The following SNED1 variants were observed in gnomAD, a reference collection of about 807,000 sequenced individuals.
SNED1 encodes sushi, nidogen and EGF-like domain-containing protein 1.
In SNED1, 81 loss-of-function variants were observed where a neutral mutation model predicts 166.7. The observed-to-expected ratio is 0.49, with a 90% CI of 0.41 to 0.58. The LOEUF is 0.58. Ranked by LOEUF, SNED1 falls within the 20% of genes least tolerant of loss-of-function variation. SNED1 has a pLI of 0.00. For synonymous variants in SNED1, 762 were observed against 822.0 expected (o/e 0.93, Z 1.25); for missense variants, 1,604 against 2,000.2 (o/e 0.80, Z 3.78).
chr2:241,024,754 C>T (rs1458401243), intron 1 of SNED1, among the ~76,000 whole-genome samples: 1 of 151,292 alleles, frequency 6.6e-6, no homozygotes, highest in Non-Finnish European at 1.5e-5. Flanking sequence ...TTACTGCAAA[C>T]TCTGCCTCCC....
Position 241,040,085 on chromosome 2 carries a change from C to T in SNED1, c.1056C>T (p.Pro352=). The T allele has an allele frequency of 1.3e-6, 2 of 1,583,486 alleles. No homozygotes were observed. The highest frequency in any genetic ancestry group is 4.6e-5 in the East Asian group (2 of 43,304). The change falls in exon 7 of 32, where the codon CCC becomes CCT. Residue 352 remains proline (P), a synonymous_variant. Coordinates refer to ENST00000310397, the MANE Select transcript of SNED1 (RefSeq NM_001080437.3). ...GGPTCETAQS[P]CDTKECQHGG... is the part of the protein sequence containing the mutation. ...ACCTCCTCACTCTAGCCCAATCCCC[C>T]TGTGACACCAAAGAGTGTCAACATG...
At chr2:241,071,987 A>C in intron 26 of SNED1, 109 bp downstream of exon 26, 1 of 979,068 alleles carries the variant, frequency 1.0e-6, no homozygotes, top group Non-Finnish European at 1.6e-6. Context: ...CCGCCAGCGC[A>C]GTCTCCAGCC....
intron 1 of SNED1, among the ~76,000 whole-genome samples, chr2:241,014,814 C>G (rs1326756387): frequency 1.3e-5 from 2 of 152,146 alleles, no homozygotes; most frequent in Non-Finnish European, 2.9e-5. Flanking sequence ...ACGCAGGTCT[C>G]TAATACACCT....
At chr2:241,003,773 A>G (rs962976958) in intron 1 of SNED1, among the ~76,000 whole-genome samples, 2 of 152,254 alleles carry the variant, frequency 1.3e-5, no homozygotes, top group Admixed American at 1.3e-4. Flanking sequence ...CAGGGAAGAC[A>G]GGTCAGTTTG....
rs149915119 is a variant in SNED1, at chr2:241,015,236, A to G, written c.214-15048A>G. Among the ~76,000 whole-genome samples the G allele has an allele frequency of 2.6e-3, 390 of 152,324 alleles. 3 individuals carry two copies. Among genetic ancestry groups the G allele is most frequent in the Middle Eastern group, 6.8e-3 (2 of 294 alleles). ...TACCTTTACCATATTGAGTCGTGCA[A>G]TCTAGGAACCTGGCATATTTCTGGA... On this transcript the variant is annotated intron_variant, in intron 1 of 31. Transcript: ENST00000310397.
chr2:241,017,775 G>C (rs1479961426), intron 1 of SNED1, among the ~76,000 whole-genome samples: 1 of 152,218 alleles, frequency 6.6e-6, no homozygotes, highest in Non-Finnish European at 1.5e-5. Context: ...AGGGGCCCAG[G>C]CACAGCCAGC....
At chr2:241,077,266 A>G (rs2063071960) in intron 27 of SNED1, among the ~76,000 whole-genome samples, 1 of 152,116 alleles carries the variant, frequency 6.6e-6, no homozygotes, top group Non-Finnish European at 1.5e-5. Flanking sequence ...TCATAACACA[A>G]ATTACCACAA....
rs767873017 is a variant in SNED1 at position 241,040,831 on chromosome 2, A to G, written c.1273+418A>G. 2.0e-4 allele frequency: 96 copies of G among 472,804 alleles called. No individual in the cohort carries two copies. In the Middle Eastern group the frequency reaches 3.6e-3, roughly 18 times the overall value. 29.3% of individuals were successfully genotyped at this position (472,804 alleles called of 1,614,324 possible). On this transcript the variant is annotated intron_variant, in intron 8 of 31. Transcript: ENST00000310397. ...ACAAGGGAAAGTAACGGGAATCAGA[A>G]AGAAAACTGACCTTTCACTATTTTC...
intron 1 of SNED1, among the ~76,000 whole-genome samples, chr2:241,023,871 T>C (rs950085502): frequency 2.5e-4 from 32 of 128,928 alleles, no homozygotes; most frequent in African/African-American, 1.0e-3. Context: ...TTTTCTCTCT[T>C]TTTTTCTTTT....
Position 241,068,281 on chromosome 2 carries a change from G to T in SNED1, c.3194+334G>T, listed in dbSNP as rs9751850. ...CCTCAGAGAGCAGCGGCCAGCGAGG[G>T]TAGATGGTAGCAGCCCCGAGCTCTC... On this transcript the variant is annotated intron_variant, in intron 22 of 31. Transcript: ENST00000310397. This position sits in a 1 kb window ranked among gnomAD's most constrained non-coding sequence, Gnocchi z 5.3. Among the ~76,000 whole-genome samples, 54 of 151,652 alleles carry T rather than the reference G, an allele frequency of 3.6e-4. No homozygotes were observed. Among genetic ancestry groups the T allele is most frequent in the African/African-American group, 1.2e-3 (51 of 41,010 alleles).
intron 27 of SNED1, chr2:241,074,788 ATAAT>A (rs1490418882): frequency 6.6e-6 from 1 of 152,256 alleles, no homozygotes; most frequent in Non-Finnish European, 1.5e-5. Flanking sequence ...TAGCCTTTGA[ATAAT>A]GACTAAATCA....
chr2:241,032,745 T>C (rs894552514), intron 2 of SNED1, among the ~76,000 whole-genome samples: 1 of 152,242 alleles, frequency 6.6e-6, no homozygotes, highest in African/African-American at 2.4e-5. Context: ...TTAACTTACA[T>C]ATCTTTAATT....
At chr2:241,078,154 G>A (rs539571304) in intron 27 of SNED1, among the ~76,000 whole-genome samples, 4 of 152,132 alleles carry the variant, frequency 2.6e-5, no homozygotes, top group Non-Finnish European at 4.4e-5. Flanking sequence ...GGAGGCCGAG[G>A]CGGGCAGATC....
At chr2:241,008,851 A>G (rs1348641947) in intron 1 of SNED1, among the ~76,000 whole-genome samples, 1 of 152,200 alleles carries the variant, frequency 6.6e-6, no homozygotes, top group African/African-American at 2.4e-5. Flanking sequence ...CAATGCCTCC[A>G]CACAGGAGGG....
chr2:241,036,599 G>GCCCCTGCT (rs201787806), intron 4 of SNED1, among the ~76,000 whole-genome samples, 191 bp from the exon 5 acceptor site: 1,954 of 152,200 alleles, frequency 0.013, 100 homozygotes, highest in Admixed American at 0.094. Context: ...CAACAGCACC[G>GCCCCTGCT]CCCCTGCTCC....
chr2:241,088,215 A>G (rs1575143413), intron 30 of SNED1, 150 bp from the exon 31 acceptor site: 3 of 660,794 alleles, frequency 4.5e-6, no homozygotes, highest in East Asian at 5.4e-5. Flanking sequence ...GCTAATCTCC[A>G]CAGCGGTGTC....
chr2:241,064,174 C>T lies in SNED1; in HGVS notation c.2599+49C>T, dbSNP rs1385099947. 2.1e-5 allele frequency: 27 copies of T among 1,302,500 alleles called. No homozygotes were observed. Among genetic ancestry groups the T allele is most frequent in the East Asian group, 7.9e-5 (3 of 38,140 alleles). 80.7% of individuals were successfully genotyped at this position (1,302,500 alleles called of 1,614,324 possible). A position where few individuals can be genotyped will look rare whatever the true frequency, so the allele number is the denominator to read the frequency against. ...CCCCGCCCTCTGCCCGCCTGCTCCC[C>T]GCCCTCTGCCCGCCTGCTGCCCGCC... On this transcript the variant is annotated intron_variant, in intron 19 of 31. Transcript: ENST00000310397. This position sits in a 1 kb window ranked among gnomAD's most constrained non-coding sequence, Gnocchi z 7.0.
At chr2:241,066,263 G>A (rs73110193) in intron 21 of SNED1, among the ~76,000 whole-genome samples, 9,722 of 152,190 alleles carry the variant, frequency 0.064, 1,007 homozygotes, top group African/African-American at 0.22. Context: ...TTGCCGTGTC[G>A]GGGAGCAGAA....
Position 241,088,495 on chromosome 2 carries a change from G to A in SNED1, c.*1+93G>A, listed in dbSNP as rs536633454. The stretch of plus-strand genomic sequence containing the variant: ...CCGGGATCTCAGAGTGCCGCTGCCT[G>A]CTTACTCAGCACTGCTAAAGGAAGC... On this transcript the variant is annotated intron_variant, in intron 31 of 31. Coordinates refer to ENST00000310397, the MANE Select transcript of SNED1 (RefSeq NM_001080437.3). 4.4e-3 allele frequency: 4,481 copies of A among 1,026,452 alleles called. 17 individuals carry two copies. Among genetic ancestry groups the A allele is most frequent in the Non-Finnish European group, 6.1e-3 (3,973 of 651,874 alleles). 63.6% of individuals were successfully genotyped at this position (1,026,452 alleles called of 1,614,324 possible).
Sources: allele counts gnomAD v4.1 joint callset (sites outside exome capture counted in the v4.1 genomes callset), GRCh38; gene constraint gnomAD v4.1.1; non-coding constraint Gnocchi (gnomAD v3.1); transcripts MANE v1.5; gene names NCBI Gene and HGNC (gene_info 2026-07-23, HGNC 2026-07-21).